Variants in ADAMTSL1 observed in about 807,000 individuals in gnomAD.
The protein encoded by ADAMTSL1 is ADAMTS-like protein 1.
Under a neutral mutation model 201.8 loss-of-function variants are expected in ADAMTSL1, and 126 were observed. The observed-to-expected ratio is 0.62, with a 90% CI of 0.54 to 0.72. ADAMTSL1 has a LOEUF of 0.72. ADAMTSL1 is among the 30% of genes least tolerant of loss of function. The pLI is 0.00. For missense variants in ADAMTSL1, 2,679 were observed against 2,277.8 expected, an observed-to-expected ratio of 1.18 and a Z score of -3.59; for synonymous variants, 1,121 against 903.4, an observed-to-expected ratio of 1.24 and a Z score of -4.32.
intron 2 of ADAMTSL1, among the ~76,000 whole-genome samples, chr9:18,380,437 G>T (rs766940855): frequency 6.6e-6 from 1 of 152,060 alleles, no homozygotes; most frequent in Non-Finnish European, 1.5e-5. Context: ...TTAAGGAATA[G>T]GTATATTTTA....
chr9:18,259,705 A>G (rs532862770), intron 2 of ADAMTSL1, among the ~76,000 whole-genome samples: 1 of 152,222 alleles, frequency 6.6e-6, no homozygotes, highest in African/African-American at 2.4e-5. Flanking sequence ...GCCAAACTCA[A>G]GTTTTCTTGG....
rs919944602 is a variant in ADAMTSL1 at position 18,897,713 on chromosome 9, C to T, written c.4851+5117C>T. 5.9e-5 allele frequency among the ~76,000 whole-genome samples: 9 copies of T among 152,286 alleles called. No individual in the cohort carries two copies. The East Asian group carries it at 1.7e-3, about 29-fold the overall frequency. On this transcript the variant is annotated intron_variant, in intron 26 of 28. Transcript: ENST00000380548. ...AAAATCTCCATTCAAAGGTCAGCAA[C>T]CTCAACAAAGGTAGATAAGCCCACA...
intron 2 of ADAMTSL1, among the ~76,000 whole-genome samples, chr9:18,447,595 C>G (rs989875733): frequency 5.9e-5 from 9 of 152,154 alleles, no homozygotes; most frequent in Admixed American, 5.9e-4. Flanking sequence ...CTGTTAGAGG[C>G]ACCTGATGCA....
At chr9:18,484,637 G>A (rs1821895334) in intron 1 of ADAMTSL1, among the ~76,000 whole-genome samples, 1 of 152,198 alleles carries the variant, frequency 6.6e-6, no homozygotes, top group African/African-American at 2.4e-5. Flanking sequence ...AGGCCAGTCA[G>A]CTGCATATAG....
At chr9:18,325,758 T>G (rs1013832046) in intron 2 of ADAMTSL1, among the ~76,000 whole-genome samples, 1 of 151,792 alleles carries the variant, frequency 6.6e-6, no homozygotes, top group African/African-American at 2.4e-5. Context: ...TTTTTTTTTT[T>G]GAAACAGAGT....
At chr9:18,874,965 G>A (rs765061716) in intron 23 of ADAMTSL1, among the ~76,000 whole-genome samples, 13 of 151,964 alleles carry the variant, frequency 8.6e-5, no homozygotes, top group Non-Finnish European at 1.8e-4. Context: ...TCTGTTCAGA[G>A]TTTCTGTTTT....
chr9:17,990,351 T>C (rs1280443118), intron 1 of ADAMTSL1, among the ~76,000 whole-genome samples: 1 of 152,064 alleles, frequency 6.6e-6, no homozygotes, highest in Non-Finnish European at 1.5e-5. Context: ...ACTGAAGGTT[T>C]ACATACTTAA....
At chr9:18,483,340 T>C (rs1286424997) in intron 1 of ADAMTSL1, among the ~76,000 whole-genome samples, 1 of 152,232 alleles carries the variant, frequency 6.6e-6, no homozygotes, top group Admixed American at 6.5e-5. Context: ...GATACTGGAA[T>C]CTTGTGCTGT....
intron 1 of ADAMTSL1, among the ~76,000 whole-genome samples, chr9:18,061,031 T>C (rs1210280874): frequency 2.6e-5 from 4 of 152,164 alleles, no homozygotes; most frequent in African/African-American, 4.8e-5. Context: ...GACTCAGAGT[T>C]TTTTGCAATG....
chr9:18,569,267 T>TTA (rs937378042), intron 3 of ADAMTSL1, among the ~76,000 whole-genome samples: 19 of 152,302 alleles, frequency 1.2e-4, no homozygotes, highest in Non-Finnish European at 2.2e-4. Context: ...ACTTTATGAA[T>TTA]TATAATGGGA....
At chr9:17,995,995 C>T (rs972582602) in intron 1 of ADAMTSL1, among the ~76,000 whole-genome samples, 10 of 151,948 alleles carry the variant, frequency 6.6e-5, no homozygotes, top group South Asian at 2.1e-4. Flanking sequence ...TCCTTAGAAT[C>T]GTGTCTAGCT....
intron 4 of ADAMTSL1, among the ~76,000 whole-genome samples, chr9:18,615,282 C>T (rs781685461): frequency 1.3e-5 from 2 of 152,150 alleles, no homozygotes; most frequent in Non-Finnish European, 2.9e-5. Context: ...GTACCCATAA[C>T]AAACCATGAG....
intron 19 of ADAMTSL1, among the ~76,000 whole-genome samples, chr9:18,785,189 G>A (rs1220307595): frequency 6.6e-6 from 1 of 151,952 alleles, no homozygotes; most frequent in South Asian, 2.1e-4. Flanking sequence ...AATGGAGCTG[G>A]GATTTGAATC....
At chr9:18,001,932 G>A (rs1233289025) in intron 1 of ADAMTSL1, among the ~76,000 whole-genome samples, 1 of 151,950 alleles carries the variant, frequency 6.6e-6, no homozygotes, top group African/African-American at 2.4e-5. Flanking sequence ...GTGAATGGGA[G>A]GGAAGGAAGT....
intron 1 of ADAMTSL1, among the ~76,000 whole-genome samples, chr9:18,090,256 A>T (rs1823949621): frequency 6.6e-6 from 1 of 152,218 alleles, no homozygotes. Flanking sequence ...AGGTATAAAC[A>T]CAAAAGAATT....
intron 1 of ADAMTSL1, among the ~76,000 whole-genome samples, chr9:18,481,742 T>C (rs2131810275): frequency 6.6e-6 from 1 of 152,328 alleles, no homozygotes; most frequent in South Asian, 2.1e-4. Context: ...ACATGAAAAG[T>C]TATTTTTACT....
Position 18,684,741 on chromosome 9 carries a change from G to T in ADAMTSL1, c.1515G>T (p.Leu505Phe), listed in dbSNP as rs1240758024. 1.9e-6 allele frequency: 3 copies of T among 1,613,046 alleles called. No individual in the cohort carries two copies. The highest frequency in any genetic ancestry group is 2.5e-6 in the Non-Finnish European group (3 of 1,179,742). The change falls in exon 13 of 29, where the codon TTG becomes TTT. Residue 505 changes from leucine to phenylalanine, a missense_variant. Coordinates refer to ENST00000380548, the MANE Select transcript of ADAMTSL1 (RefSeq NM_001040272.6). ...AGAAACTTCCAGTCGAGGCCAAGTT[G>T]CCATGGTTCAAACAAGCTCAAGAGC... The part of the protein sequence containing the change: ...PKEKLPVEAK[L>F]PWFKQAQELE...
At chr9:18,001,270 T>C (rs1819601516) in intron 1 of ADAMTSL1, among the ~76,000 whole-genome samples, 1 of 152,022 alleles carries the variant, frequency 6.6e-6, no homozygotes, top group South Asian at 2.1e-4. Context: ...TGTACATATA[T>C]CATGAAATAT....
At chr9:18,643,838 G>C (rs1335663852) in intron 7 of ADAMTSL1, among the ~76,000 whole-genome samples, 2 of 150,774 alleles carry the variant, frequency 1.3e-5, no homozygotes, top group Non-Finnish European at 3.0e-5. Context: ...TTTCTTTTTT[G>C]TTCTAGATTG....
Sources: allele counts gnomAD v4.1 joint callset (sites outside exome capture counted in the v4.1 genomes callset), GRCh38; gene constraint gnomAD v4.1.1; transcripts MANE v1.5; gene names NCBI Gene and HGNC (gene_info 2026-07-23, HGNC 2026-07-21).